CDH1: variants seen among roughly 807,000 people sequenced by gnomAD.
The protein encoded by CDH1 is cadherin-1.
Under a neutral mutation model 84.5 loss-of-function variants are expected in CDH1, and 35 were observed. That is an observed-to-expected ratio of 0.41 (90% CI 0.32 to 0.55). The LOEUF (loss-of-function observed/expected upper bound fraction) is 0.55, where lower values mean the gene tolerates loss of function less well. Ranked by LOEUF, CDH1 falls within the 20% of genes least tolerant of loss-of-function variation. The probability of loss-of-function intolerance (pLI) is 0.19; values close to 1 mark genes in which losing one functional copy is unlikely to be tolerated. For missense variants in CDH1, 994 were observed against 1,126.6 expected, an observed-to-expected ratio of 0.88 and a Z score of 1.68; for synonymous variants, 417 against 439.0, an observed-to-expected ratio of 0.95 and a Z score of 0.63.
At chr16:68,803,216 C>T (rs1960563330) in intron 3 of CDH1, among the ~76,000 whole-genome samples, 1 of 152,040 alleles carries the variant, frequency 6.6e-6, no homozygotes, top group Non-Finnish European at 1.5e-5. Flanking sequence ...ATGGTCCTCC[C>T]GATCTGATTT....
chr16:68,782,993 T>A (rs1959925818), intron 2 of CDH1, among the ~76,000 whole-genome samples: 1 of 152,128 alleles, frequency 6.6e-6, no homozygotes, highest in African/African-American at 2.4e-5. Flanking sequence ...AGTGTCTCAT[T>A]TCTGAAAACA....
At chr16:68,809,440 G>A (rs898434364) in intron 5 of CDH1, among the ~76,000 whole-genome samples, 1 of 152,090 alleles carries the variant, frequency 6.6e-6, no homozygotes. Flanking sequence ...GACCTCAGGC[G>A]ATTCACCCTA....
chr16:68,813,525 A>G (rs769928426), intron 9 of CDH1, 30 bp downstream of exon 9: 9 of 1,606,182 alleles, frequency 5.6e-6, no homozygotes, highest in African/African-American at 1.3e-5. Flanking sequence ...AGATGCAGAA[A>G]CTGGCATCCT....
intron 2 of CDH1, among the ~76,000 whole-genome samples, chr16:68,755,849 T>C (rs1963005666): frequency 6.6e-6 from 1 of 151,160 alleles, no homozygotes; most frequent in Admixed American, 6.6e-5. Context: ...TTGCAACCTC[T>C]GCCTCCCGGG....
At chr16:68,758,173 C>T (rs944711926) in intron 2 of CDH1, among the ~76,000 whole-genome samples, 7 of 149,022 alleles carry the variant, frequency 4.7e-5, no homozygotes, top group African/African-American at 1.7e-4. Flanking sequence ...CCCAACCCCA[C>T]CCCATTTTGC....
chr16:68,816,173 A>C (rs952649035), intron 10 of CDH1, among the ~76,000 whole-genome samples: 4 of 152,084 alleles, frequency 2.6e-5, no homozygotes, highest in Non-Finnish European at 5.9e-5. Context: ...GCCTGCCACC[A>C]CGCCCGGCTA....
intron 2 of CDH1, among the ~76,000 whole-genome samples, chr16:68,782,013 T>C (rs886663666): frequency 6.6e-6 from 1 of 152,136 alleles, no homozygotes; most frequent in Non-Finnish European, 1.5e-5. Flanking sequence ...CACAGAGATG[T>C]TTCCAGATGG....
intron 2 of CDH1, among the ~76,000 whole-genome samples, chr16:68,778,519 T>G (rs1054403456): frequency 6.6e-5 from 10 of 152,328 alleles, no homozygotes; most frequent in African/African-American, 2.4e-4. Context: ...TGATTCCACG[T>G]GGTCCTGCCC....
At chr16:68,802,482 C>T (rs1960542318) in intron 3 of CDH1, among the ~76,000 whole-genome samples, 1 of 151,750 alleles carries the variant, frequency 6.6e-6, no homozygotes, top group Non-Finnish European at 1.5e-5. Context: ...CTCTCTCTCT[C>T]TCTTTTTTTT....
intron 10 of CDH1, among the ~76,000 whole-genome samples, chr16:68,817,032 T>C (rs1176818635): frequency 6.6e-6 from 1 of 152,232 alleles, no homozygotes; most frequent in Non-Finnish European, 1.5e-5. Context: ...TTAGTGTCTG[T>C]TTCCAGAGGC....
chr16:68,783,724 TG>T (rs1327117433), intron 2 of CDH1, among the ~76,000 whole-genome samples: 1 of 152,162 alleles, frequency 6.6e-6, no homozygotes, highest in African/African-American at 2.4e-5. Flanking sequence ...TCACCCAGGC[TG>T]GAGTGTAGTG....
At position 68,737,477 on chromosome 16, in the gene CDH1, CCT is replaced by C. The variant is rs730881655; in HGVS notation, c.48+15_48+16del. The stretch of plus-strand genomic sequence containing the variant: ...CTGCTGCTGCAGGTACCCCGGATCC[CCT>C]GACTTGCGAGGGACGCATTCGGGCC... On this transcript the variant is annotated intron_variant, in intron 1 of 15. Transcript: ENST00000261769. The C allele has an allele frequency of 9.6e-5, 148 of 1,536,264 alleles. No individual in the cohort carries two copies. Among genetic ancestry groups the C allele is most frequent in the Non-Finnish European group, 1.2e-4 (141 of 1,147,830 alleles).
chr16:68,747,343 C>T (rs1418203234), intron 2 of CDH1, among the ~76,000 whole-genome samples: 1 of 151,948 alleles, frequency 6.6e-6, no homozygotes, highest in Non-Finnish European at 1.5e-5. Flanking sequence ...CAGGATGAGG[C>T]TGCAGAGGCA....
intron 2 of CDH1, among the ~76,000 whole-genome samples, chr16:68,789,643 A>T (rs1450956247): frequency 6.6e-6 from 1 of 152,112 alleles, no homozygotes; most frequent in African/African-American, 2.4e-5. Context: ...CACCACAATC[A>T]ATTTCATAAC....
intron 8 of CDH1, 119 bp from the exon 9 acceptor site, chr16:68,813,194 T>G: frequency 9.8e-7 from 1 of 1,024,396 alleles, no homozygotes; most frequent in Non-Finnish European, 1.5e-6. Flanking sequence ...TCCAGCCTGG[T>G]GACAGTGAGA....
intron 2 of CDH1, among the ~76,000 whole-genome samples, chr16:68,773,268 C>T (rs1959634193): frequency 6.6e-6 from 1 of 150,504 alleles, no homozygotes. Context: ...GCAACCTTGA[C>T]ATTGAGTTAT....
At chr16:68,829,876 G>A (rs2152142592) in intron 15 of CDH1, 79 bp downstream of exon 15, 8 of 1,397,424 alleles carry the variant, frequency 5.7e-6, no homozygotes, top group Middle Eastern at 2.0e-4. Context: ...GAGAAAAAGA[G>A]TCTTTAGATT....
intron 2 of CDH1, among the ~76,000 whole-genome samples, chr16:68,754,430 T>C (rs1290091461): frequency 1.3e-5 from 2 of 152,078 alleles, no homozygotes; most frequent in South Asian, 2.1e-4. Context: ...AGAAAAGTAT[T>C]TGTTGTTGTA....
chr16:68,737,529 G>C (rs1216298304), intron 1 of CDH1, 66 bp downstream of exon 1: 119 of 1,344,024 alleles, frequency 8.9e-5, no homozygotes, highest in Middle Eastern at 2.5e-4. Flanking sequence ...CCAGCCCTGC[G>C]CCCCTTCCTC....
Sources: allele counts gnomAD v4.1 joint callset (sites outside exome capture counted in the v4.1 genomes callset), GRCh38; gene constraint gnomAD v4.1.1; transcripts MANE v1.5; gene names NCBI Gene and HGNC (gene_info 2026-07-23, HGNC 2026-07-21).